NDUFS4: variants seen among roughly 807,000 people sequenced by gnomAD.
The protein encoded by NDUFS4 is NADH dehydrogenase [ubiquinone] iron-sulfur protein 4, mitochondrial.
Under a neutral mutation model 24.3 loss-of-function variants are expected in NDUFS4, and 28 were observed. The ratio of observed to expected loss-of-function variants is 1.15; its 90% confidence interval spans 0.85 to 1.58. The LOEUF is 1.58. Ranked by LOEUF, NDUFS4 falls within the 40% of genes most tolerant of loss-of-function variation. The probability of loss-of-function intolerance (pLI) is 0.00; values close to 1 mark genes in which losing one functional copy is unlikely to be tolerated. For synonymous variants in NDUFS4, 93 were observed against 69.7 expected (o/e 1.34, Z -1.67); for missense variants, 223 against 207.9 (o/e 1.07, Z -0.45).
chr5:53,648,574 C>T (rs1289755777), intron 3 of NDUFS4, among the ~76,000 whole-genome samples: 4 of 152,140 alleles, frequency 2.6e-5, no homozygotes, highest in Admixed American at 1.3e-4. Context: ...CCTGGTGGTG[C>T]CTGCATCTGT....
At chr5:53,583,330 G>A (rs898635176) in intron 1 of NDUFS4, among the ~76,000 whole-genome samples, 9 of 151,898 alleles carry the variant, frequency 5.9e-5, no homozygotes, top group South Asian at 2.1e-4. Context: ...TTTATCTTAC[G>A]GCAATATTTA....
At chr5:53,666,715 C>T (rs181021886) in intron 4 of NDUFS4, among the ~76,000 whole-genome samples, 2 of 152,212 alleles carry the variant, frequency 1.3e-5, no homozygotes, top group East Asian at 3.9e-4. Flanking sequence ...GTGGGTGGAT[C>T]ACTTGAGGTC....
At chr5:53,674,370 T>G (rs542861760) in intron 4 of NDUFS4, among the ~76,000 whole-genome samples, 2 of 152,318 alleles carry the variant, frequency 1.3e-5, no homozygotes, top group South Asian at 4.1e-4. Context: ...GCCAGAGAAT[T>G]ATTTTATGGT....
rs1274404887 is a variant in NDUFS4, at chr5:53,598,593, A to T, written c.99-4859A>T. On this transcript the variant is annotated intron_variant, in intron 1 of 4. Coordinates refer to ENST00000296684, the MANE Select transcript of NDUFS4 (RefSeq NM_002495.4). ...AAGGCAGAGGAGTTGAGATTTTCTC[A>T]TCTACAGCAAAAGATGTTTATATAA... 2.0e-5 allele frequency among the ~76,000 whole-genome samples: 3 copies of T among 152,194 alleles called. No homozygotes were observed. In the East Asian group the frequency reaches 5.8e-4, roughly 29 times the overall value.
chr5:53,572,967 T>G (rs1208806132), intron 1 of NDUFS4, among the ~76,000 whole-genome samples: 13 of 96,856 alleles, frequency 1.3e-4, no homozygotes, highest in African/African-American at 2.2e-4. Flanking sequence ...GTTTTTTTTT[T>G]TTGTTTTTTT....
At chr5:53,657,043 A>G (rs1173884938) in intron 3 of NDUFS4, among the ~76,000 whole-genome samples, 3 of 152,180 alleles carry the variant, frequency 2.0e-5, no homozygotes, top group Non-Finnish European at 2.9e-5. Flanking sequence ...ATATGTATGT[A>G]TTCATAAATA....
At chr5:53,672,008 A>G (rs193038589) in intron 4 of NDUFS4, among the ~76,000 whole-genome samples, 15 of 152,220 alleles carry the variant, frequency 9.9e-5, no homozygotes, top group East Asian at 3.9e-4. Context: ...TAGTGGGTCT[A>G]TTGGGGTGGA....
chr5:53,622,267 C>T (rs1751066233), intron 2 of NDUFS4, among the ~76,000 whole-genome samples: 1 of 152,014 alleles, frequency 6.6e-6, no homozygotes, highest in African/African-American at 2.4e-5. Context: ...TTTGACAGAC[C>T]TTGTCTTAGC....
chr5:53,665,241 G>C (rs557790238), intron 4 of NDUFS4, among the ~76,000 whole-genome samples: 1 of 152,306 alleles, frequency 6.6e-6, no homozygotes, highest in South Asian at 2.1e-4. Flanking sequence ...TGACCCTACT[G>C]GGGGGTGCCT....
At chr5:53,634,038 A>C (rs1180788754) in intron 2 of NDUFS4, among the ~76,000 whole-genome samples, 2 of 152,234 alleles carry the variant, frequency 1.3e-5, no homozygotes, top group Non-Finnish European at 2.9e-5. Context: ...GCATTATAAT[A>C]TAATGTTTAA....
intron 1 of NDUFS4, among the ~76,000 whole-genome samples, chr5:53,566,801 CTG>C (rs1749041019): frequency 6.6e-6 from 1 of 151,352 alleles, no homozygotes; most frequent in Non-Finnish European, 1.5e-5. Flanking sequence ...AGAAAAAAGA[CTG>C]TACATGATAA....
chr5:53,642,092 G>T (rs1301330697), intron 2 of NDUFS4, among the ~76,000 whole-genome samples: 1 of 152,096 alleles, frequency 6.6e-6, no homozygotes, highest in Admixed American at 6.6e-5. Context: ...GCATCCCAAA[G>T]TGCAAAAACC....
At chr5:53,661,681 C>T (rs991760548) in intron 4 of NDUFS4, among the ~76,000 whole-genome samples, 5 of 152,132 alleles carry the variant, frequency 3.3e-5, no homozygotes, top group Admixed American at 3.3e-4. Flanking sequence ...TTTCATTGAG[C>T]AGTGGTTTGT....
chr5:53,682,623 T>A (rs1049412290), intron 4 of NDUFS4, among the ~76,000 whole-genome samples: 36 of 152,220 alleles, frequency 2.4e-4, no homozygotes, highest in African/African-American at 8.7e-4. Context: ...CATGGTCCAC[T>A]TCAACTATAG....
At chr5:53,666,804 C>T (rs567356661) in intron 4 of NDUFS4, among the ~76,000 whole-genome samples, 4 of 152,012 alleles carry the variant, frequency 2.6e-5, no homozygotes, top group South Asian at 4.2e-4. Flanking sequence ...TGTGGTGGTG[C>T]GCACCTGTAG....
chr5:53,630,659 G>C (rs1751385609), intron 2 of NDUFS4, among the ~76,000 whole-genome samples: 1 of 151,580 alleles, frequency 6.6e-6, no homozygotes, highest in Non-Finnish European at 1.5e-5. Flanking sequence ...CCTTTCTTCA[G>C]CTTGATCGAT....
chr5:53,626,141 G>C (rs1472276032), intron 2 of NDUFS4, among the ~76,000 whole-genome samples: 1 of 152,042 alleles, frequency 6.6e-6, no homozygotes, highest in Non-Finnish European at 1.5e-5. Flanking sequence ...GCGGTGTTAG[G>C]TTTTCTCTTC....
In NDUFS4 at chr5:53,659,928, TA is replaced by T. The variant is rs548959182; in HGVS notation, c.424+1308del. ...TTGCTGTGGTGATTAAATGAGTTAATAAAAGTGTTTAGAGACTAGGGTCTGA... is the reference window on the plus strand; with the variant it reads ...TTGCTGTGGTGATTAAATGAGTTAATAAAGTGTTTAGAGACTAGGGTCTGA... On this transcript the variant is annotated intron_variant, in intron 4 of 4. Transcript: ENST00000296684. 4.6e-5 allele frequency among the ~76,000 whole-genome samples: 7 copies of T among 152,272 alleles called. No homozygotes were observed. The East Asian group carries it at 1.4e-3, about 29-fold the overall frequency.
chr5:53,635,370 A>T (rs1751520726), intron 2 of NDUFS4, among the ~76,000 whole-genome samples: 1 of 151,744 alleles, frequency 6.6e-6, no homozygotes, highest in Admixed American at 6.6e-5. Context: ...AATGCAAAAA[A>T]TTAGCCAGGC....
Sources: allele counts gnomAD v4.1 joint callset (sites outside exome capture counted in the v4.1 genomes callset), GRCh38; gene constraint gnomAD v4.1.1; transcripts MANE v1.5; gene names NCBI Gene and HGNC (gene_info 2026-07-23, HGNC 2026-07-21).